Variants in DMD observed in about 807,000 individuals in gnomAD.
The protein encoded by DMD is mutant dystrophin.
Under a neutral mutation model 330.1 loss-of-function variants are expected in DMD, and 63 were observed. The observed-to-expected ratio is 0.19, with a 90% CI of 0.16 to 0.24. DMD has a LOEUF of 0.24. Ranked by LOEUF, DMD falls within the 10% of genes least tolerant of loss-of-function variation. DMD has a pLI of 1.00. For synonymous variants in DMD, 1,223 were observed against 959.8 expected, an observed-to-expected ratio of 1.27 and a Z score of -5.07; for missense variants, 3,344 against 2,684.1, an observed-to-expected ratio of 1.25 and a Z score of -5.43.
At chrX:31,674,032 G>A (rs1603444447) in intron 53 of DMD, among the ~76,000 whole-genome samples, 2 of 112,138 alleles carry the variant, frequency 1.8e-5, no homozygotes, top group East Asian at 5.6e-4. Flanking sequence ...GTCCTGGCAA[G>A]AAGATTTCTA....
chrX:32,028,815 AT>A lies in DMD; in HGVS notation c.6439-60302del, dbSNP rs754880960. ...AGTGATGGAAGTCTCTGCATATACC[AT>A]TTTTTTTTTGTGCAGTGTTATAATG... On this transcript the variant is annotated intron_variant, in intron 44 of 78. Coordinates refer to ENST00000357033, the MANE Select transcript of DMD (RefSeq NM_004006.3). 8.7e-3 allele frequency among the ~76,000 whole-genome samples: 937 copies of A among 107,129 alleles called. 9 individuals carry two copies. The highest frequency in any genetic ancestry group is 0.028 in the African/African-American group (836 of 29,767). 93.0% of individuals were successfully genotyped at this position (107,129 alleles called of 115,157 possible).
intron 2 of DMD, among the ~76,000 whole-genome samples, chrX:32,946,526 T>A (rs969253188): frequency 8.9e-6 from 1 of 112,261 alleles, no homozygotes; most frequent in African/African-American, 3.2e-5. Context: ...CTGTATTATC[T>A]AAAAATTATA....
intron 55 of DMD, among the ~76,000 whole-genome samples, chrX:31,552,687 G>A (rs1000830891): frequency 8.9e-6 from 1 of 111,873 alleles, no homozygotes; most frequent in African/African-American, 3.3e-5. Context: ...GAAGATCAGA[G>A]CACATAATGA....
intron 63 of DMD, among the ~76,000 whole-genome samples, chrX:31,255,351 C>G (rs2049828678): frequency 9.0e-6 from 1 of 111,692 alleles, no homozygotes; most frequent in Non-Finnish European, 1.9e-5. Flanking sequence ...CCTATTGGAA[C>G]AGTCTTTCCA....
At chrX:32,993,245 C>A (rs1231530583) in intron 2 of DMD, among the ~76,000 whole-genome samples, 1 of 112,012 alleles carries the variant, frequency 8.9e-6, no homozygotes, top group Non-Finnish European at 1.9e-5. Flanking sequence ...GCTCTTCAAG[C>A]TATAGGTCAA....
At chrX:31,782,968 A>T (rs934061151) in intron 50 of DMD, among the ~76,000 whole-genome samples, 1 of 111,744 alleles carries the variant, frequency 8.9e-6, no homozygotes, top group Admixed American at 9.5e-5. Context: ...AAAAAAGTAG[A>T]GTATGTAATA....
intron 60 of DMD, among the ~76,000 whole-genome samples, chrX:31,351,190 A>G (rs1044034063): frequency 1.8e-5 from 2 of 111,205 alleles, no homozygotes; most frequent in African/African-American, 6.6e-5. Context: ...ATATACATAC[A>G]TACATACATA....
chrX:32,848,643 GAATTT>G (rs201932145), intron 3 of DMD, among the ~76,000 whole-genome samples: 8,534 of 110,432 alleles, frequency 0.077, 326 homozygotes, highest in Non-Finnish European at 0.12. Flanking sequence ...TAGGACTTCA[GAATTT>G]AATTGAGGAG....
At chrX:32,866,716 C>CA (rs1557100804) in intron 2 of DMD, among the ~76,000 whole-genome samples, 1 of 37,435 alleles carries the variant, frequency 2.7e-5, no homozygotes, top group Non-Finnish European at 4.3e-5. Context: ...CATACACACA[C>CA]TTTTTTTTGG....
Position 33,285,543 on chromosome X carries a change from CAA to C in DMD, c.7+53714_7+53715del, listed in dbSNP as rs1180732767. On this transcript the variant is annotated intron_variant, in intron 1 of 17. Coordinates refer to the DMD transcript ENST00000288447. ...AATGTGGAACAAGAAACACACTAAA[CAA>C]GAGATATTTGGGAAGTTCTACTCAG... Among the ~76,000 whole-genome samples the C allele has an allele frequency of 3.6e-5, 4 of 111,794 alleles. No homozygotes were observed. The South Asian group carries it at 1.5e-3, about 41-fold the overall frequency.
intron 56 of DMD, among the ~76,000 whole-genome samples, chrX:31,502,486 C>G (rs1046779114): frequency 1.8e-5 from 2 of 111,307 alleles, no homozygotes; most frequent in Non-Finnish European, 3.8e-5. Context: ...AAGACACTAA[C>G]TATTCTAACC....
At chrX:32,006,612 G>C (rs1432743666) in intron 44 of DMD, among the ~76,000 whole-genome samples, 2 of 111,259 alleles carry the variant, frequency 1.8e-5, no homozygotes, top group African/African-American at 6.5e-5. Context: ...TTTCAAGGGG[G>C]ATGTGGTGGG....
At chrX:31,252,568 G>C (rs756392949) in intron 63 of DMD, among the ~76,000 whole-genome samples, 1 of 111,916 alleles carries the variant, frequency 8.9e-6, no homozygotes, top group South Asian at 3.8e-4. Context: ...GACACTCAAA[G>C]GGATGACAGG....
chrX:32,616,748 G>C (rs781566378), intron 11 of DMD, among the ~76,000 whole-genome samples: 1 of 77,518 alleles, frequency 1.3e-5, no homozygotes, highest in South Asian at 7.5e-4. Context: ...CCAAGATCCT[G>C]TTGCTAGGTA....
At position 31,348,634 on chromosome X, in the gene DMD, C is replaced by T; in HGVS notation, c.9085G>A (p.Val3029Met). The T allele has an allele frequency of 8.3e-7, 1 of 1,206,474 alleles. No homozygotes were observed. The highest frequency in any genetic ancestry group is 1.1e-6 in the Non-Finnish European group (1 of 891,689). ...DLNTRWKLLQ[V>M]AVEDRVRQLH... ...TGCCTGACTCGGTCCTCGACGGCCA[C>T]CTGGGAGGAAAAGGAGAGAAATGAT... Residue 3029 changes from valine (V) to methionine (M), a missense_variant and splice_region_variant, in exon 61 of 79, where the codon GTG becomes ATG. Transcript: ENST00000357033.
chrX:32,696,665 G>A (rs1360702644), intron 9 of DMD, among the ~76,000 whole-genome samples: 1 of 111,098 alleles, frequency 9.0e-6, no homozygotes, highest in Non-Finnish European at 1.9e-5. Flanking sequence ...AGAAAAGGCA[G>A]CTCAATAAAG....
At chrX:32,091,063 G>A (rs1176044817) in intron 44 of DMD, among the ~76,000 whole-genome samples, 2 of 112,137 alleles carry the variant, frequency 1.8e-5, no homozygotes, top group African/African-American at 6.5e-5. Context: ...ATCTTCTCAG[G>A]CACAGCGGGA....
intron 42 of DMD, among the ~76,000 whole-genome samples, chrX:32,301,844 A>T (rs1016231858): frequency 3.6e-5 from 4 of 111,465 alleles, no homozygotes; most frequent in South Asian, 7.3e-4. Flanking sequence ...TGGAAAAAAT[A>T]AATCAACACA....
intron 18 of DMD, among the ~76,000 whole-genome samples, chrX:32,512,942 A>G (rs1232646909): frequency 8.9e-6 from 1 of 111,892 alleles, no homozygotes; most frequent in Non-Finnish European, 1.9e-5. Context: ...TAAAATTTTT[A>G]TCTAGATGGC....
Sources: gnomAD v4.1 joint callset for allele counts (sites outside exome capture counted in the v4.1 genomes callset) on GRCh38, gnomAD v4.1.1 for gene constraint, MANE v1.5 for transcripts, NCBI Gene and HGNC (gene_info 2026-07-23, HGNC 2026-07-21) for gene names.